PLCB4: variants seen among roughly 807,000 people sequenced by gnomAD.
The protein encoded by PLCB4 is 1-phosphatidylinositol 4,5-bisphosphate phosphodiesterase beta-4.
In PLCB4, 77 loss-of-function variants were observed where a neutral mutation model predicts 178.8. That is an observed-to-expected ratio of 0.43 (90% confidence interval 0.36 to 0.52). The LOEUF is 0.52. Ranked by LOEUF, PLCB4 falls within the 20% of genes least tolerant of loss-of-function variation. PLCB4 has a pLI of 0.00. For missense variants in PLCB4, 1,024 were observed against 1,453.4 expected, an observed-to-expected ratio of 0.70 and a Z score of 4.80; for synonymous variants, 496 against 490.8, an observed-to-expected ratio of 1.01 and a Z score of -0.14.
chr20:9,344,878 C>G (rs1601978137), intron 7 of PLCB4, among the ~76,000 whole-genome samples: 1 of 152,148 alleles, frequency 6.6e-6, no homozygotes, highest in South Asian at 2.1e-4. Context: ...CTTTCATTTC[C>G]TCTCCTAAAC....
intron 2 of PLCB4, among the ~76,000 whole-genome samples, chr20:9,109,416 G>A (rs1424796844): frequency 6.6e-6 from 1 of 151,618 alleles, no homozygotes; most frequent in East Asian, 1.9e-4. Flanking sequence ...TCACTGGTAG[G>A]CAATTCATGT....
At chr20:9,131,183 T>C (rs1047718503) in intron 2 of PLCB4, among the ~76,000 whole-genome samples, 2 of 152,186 alleles carry the variant, frequency 1.3e-5, no homozygotes, top group East Asian at 3.9e-4. Flanking sequence ...AATCTTTCGG[T>C]ACATCTATTG....
intron 2 of PLCB4, among the ~76,000 whole-genome samples, chr20:9,186,691 T>C (rs2093333751): frequency 1.3e-5 from 2 of 152,138 alleles, no homozygotes; most frequent in South Asian, 4.1e-4. Context: ...AGTGGTGTGG[T>C]CCAGGTCCAC....
intron 7 of PLCB4, among the ~76,000 whole-genome samples, chr20:9,356,008 A>G (rs2034782312): frequency 6.6e-6 from 1 of 152,100 alleles, no homozygotes; most frequent in African/African-American, 2.4e-5. Context: ...GTGAGATGGT[A>G]TCTCATTGTG....
chr20:9,379,684 T>A (rs2036973967), intron 12 of PLCB4, among the ~76,000 whole-genome samples: 1 of 152,152 alleles, frequency 6.6e-6, no homozygotes, highest in Non-Finnish European at 1.5e-5. Context: ...GGTTGGTGTT[T>A]GCTTTTTAAA....
intron 17 of PLCB4, among the ~76,000 whole-genome samples, chr20:9,390,827 A>C (rs1267438099): frequency 1.3e-5 from 2 of 152,214 alleles, no homozygotes; most frequent in African/African-American, 4.8e-5. Context: ...TTTGGGTCTT[A>C]TGGTTTTCAG....
intron 28 of PLCB4, among the ~76,000 whole-genome samples, chr20:9,427,629 C>G (rs1373850044): frequency 6.6e-6 from 1 of 152,186 alleles, no homozygotes; most frequent in African/African-American, 2.4e-5. Context: ...TGGCATTTGC[C>G]CATTGCAAGG....
intron 32 of PLCB4, among the ~76,000 whole-genome samples, chr20:9,448,858 G>A (rs1225683903): frequency 6.6e-6 from 1 of 152,158 alleles, no homozygotes; most frequent in Non-Finnish European, 1.5e-5. Flanking sequence ...TTGCAGGTTA[G>A]CTACCAGATA....
intron 3 of PLCB4, among the ~76,000 whole-genome samples, chr20:9,284,410 G>A (rs886168296): frequency 7.9e-5 from 12 of 151,938 alleles, no homozygotes; most frequent in Non-Finnish European, 1.6e-4. Flanking sequence ...AATAGGAGAT[G>A]AATGGAGAGA....
intron 1 of PLCB4, among the ~76,000 whole-genome samples, chr20:9,078,222 C>A (rs982347494): frequency 2.0e-5 from 3 of 152,072 alleles, no homozygotes; most frequent in African/African-American, 4.8e-5. Context: ...CTCAAGCAGT[C>A]CCCCCACCTC....
chr20:9,097,311 G>A (rs1164639171), intron 2 of PLCB4, among the ~76,000 whole-genome samples: 1 of 149,082 alleles, frequency 6.7e-6, no homozygotes, highest in Non-Finnish European at 1.5e-5. Context: ...GTTCTGAAAG[G>A]TGTAGTTGGG....
rs2148499044 is a variant in PLCB4, at chr20:9,408,063, C to A, written c.1789+5C>A. On this transcript the variant is annotated splice_donor_5th_base_variant and intron_variant, in intron 22 of 39. Coordinates refer to ENST00000378473, the MANE Select transcript of PLCB4 (RefSeq NM_001377142.1). ...AAGGTTTCCATGTGGCAGAAGGTAA[C>A]ACCAAAGGTTAAATGCAGTCGCCTT... The A allele has an allele frequency of 6.2e-7, 1 of 1,607,862 alleles. No individual in the cohort carries two copies. The highest frequency in any genetic ancestry group is 2.2e-5 in the East Asian group (1 of 44,842).
chr20:9,167,680 A>G (rs556344319), intron 2 of PLCB4, among the ~76,000 whole-genome samples: 16 of 152,296 alleles, frequency 1.1e-4, no homozygotes, highest in Non-Finnish European at 2.4e-4. Context: ...CCATTTTTTC[A>G]TATAATATGC....
chr20:9,389,313 G>A (rs968373402), intron 15 of PLCB4, among the ~76,000 whole-genome samples: 2 of 151,710 alleles, frequency 1.3e-5, no homozygotes, highest in African/African-American at 2.4e-5. Context: ...CCCTTCCCCC[G>A]GCCTTGTAAC....
chr20:9,451,203 T>G (rs1323914022), intron 32 of PLCB4, among the ~76,000 whole-genome samples: 1 of 152,186 alleles, frequency 6.6e-6, no homozygotes, highest in African/African-American at 2.4e-5. Context: ...GAATCCATCA[T>G]AAACAACTTT....
intron 2 of PLCB4, among the ~76,000 whole-genome samples, chr20:9,175,265 T>C (rs899397029): frequency 6.6e-6 from 1 of 152,176 alleles, no homozygotes; most frequent in Admixed American, 6.5e-5. Context: ...GTGTTTTGTA[T>C]TGTCACACTA....
intron 1 of PLCB4, among the ~76,000 whole-genome samples, chr20:9,085,064 A>T (rs2090340125): frequency 6.9e-6 from 1 of 144,126 alleles, no homozygotes; most frequent in South Asian, 2.3e-4. Flanking sequence ...AAAAAAAAAA[A>T]AAAAGAATAT....
intron 3 of PLCB4, among the ~76,000 whole-genome samples, chr20:9,266,670 C>A: frequency 6.6e-6 from 1 of 152,016 alleles, no homozygotes; most frequent in East Asian, 1.9e-4. Context: ...CAGTCTGACT[C>A]CCTATAGTAC....
At chr20:9,272,387 A>C (rs2094412453) in intron 3 of PLCB4, among the ~76,000 whole-genome samples, 2 of 152,024 alleles carry the variant, frequency 1.3e-5, no homozygotes, top group South Asian at 4.2e-4. Flanking sequence ...TGTTACGTTA[A>C]TGAGGATGCT....
Sources: gnomAD v4.1 joint callset for allele counts (sites outside exome capture counted in the v4.1 genomes callset) on GRCh38, gnomAD v4.1.1 for gene constraint, MANE v1.5 for transcripts, NCBI Gene and HGNC (gene_info 2026-07-23, HGNC 2026-07-21) for gene names.